The following MGAT4C variants were observed in gnomAD, a reference collection of about 807,000 sequenced individuals.
The protein encoded by MGAT4C is alpha-1,3-mannosyl-glycoprotein 4-beta-N-acetylglucosaminyltransferase C.
MGAT4C carries 19 observed loss-of-function variants against 40.1 expected under a neutral mutation model. That is an observed-to-expected ratio of 0.47 (90% CI 0.33 to 0.70). The LOEUF is 0.70. Ranked by LOEUF, MGAT4C falls within the 30% of genes least tolerant of loss-of-function variation. The pLI, the probability that MGAT4C is intolerant of heterozygous loss-of-function variation, is 0.02. For missense variants in MGAT4C, 491 were observed against 563.2 expected (o/e 0.87, Z 1.30); for synonymous variants, 181 against 187.1 (o/e 0.97, Z 0.27).
intron 1 of MGAT4C, among the ~76,000 whole-genome samples, chr12:86,147,202 A>G (rs1883636536): frequency 6.6e-6 from 1 of 152,188 alleles, no homozygotes; most frequent in Non-Finnish European, 1.5e-5. Context: ...AGACTAGATG[A>G]GGTGAGGGTA....
chr12:86,177,699 A>T (rs1366110952), intron 1 of MGAT4C, among the ~76,000 whole-genome samples: 1 of 152,058 alleles, frequency 6.6e-6, no homozygotes, highest in Non-Finnish European at 1.5e-5. Flanking sequence ...CTGAAAAGGG[A>T]TTTGTGAAAA....
intron 2 of MGAT4C, among the ~76,000 whole-genome samples, chr12:86,584,626 T>C (rs1394458868): frequency 1.3e-5 from 2 of 151,326 alleles, no homozygotes; most frequent in Non-Finnish European, 3.0e-5. Context: ...AAACTTCAAT[T>C]TCTATTGGAT....
intron 1 of MGAT4C, among the ~76,000 whole-genome samples, chr12:86,207,111 CTTT>C (rs61602141): frequency 1.3e-5 from 2 of 148,148 alleles, no homozygotes; most frequent in Non-Finnish European, 3.0e-5. Context: ...CCTTTTTTTT[CTTT>C]TTTTTTTTTT....
chr12:86,038,344 T>G (rs781366458), intron 2 of MGAT4C, among the ~76,000 whole-genome samples: 1 of 149,526 alleles, frequency 6.7e-6, no homozygotes, highest in African/African-American at 2.4e-5. Flanking sequence ...CTGTCTCAGC[T>G]TTTTTCCCAA....
rs546839024 is a variant in MGAT4C at position 86,391,816 on chromosome 12, C to T, written c.-120+43341G>A. On this transcript the variant is annotated intron_variant, in intron 3 of 7. Coordinates refer to the MGAT4C transcript ENST00000548651. ...CGGAGCTTGCAGTGAGCTGAGATCG[C>T]GACACTGCACTCCAGCCTGGGGACA... Among the ~76,000 whole-genome samples the T allele has an allele frequency of 9.2e-5, 14 of 151,796 alleles. No homozygotes were observed. In the South Asian group the frequency reaches 1.2e-3, roughly 14 times the overall value.
chr12:86,470,507 T>C (rs1957743665), intron 2 of MGAT4C, among the ~76,000 whole-genome samples: 1 of 152,130 alleles, frequency 6.6e-6, no homozygotes, highest in South Asian at 2.1e-4. Flanking sequence ...AGAAGACTTT[T>C]TATAAATGAG....
intron 1 of MGAT4C, among the ~76,000 whole-genome samples, chr12:86,085,904 G>A (rs1871732553): frequency 6.6e-6 from 1 of 152,150 alleles, no homozygotes; most frequent in South Asian, 2.1e-4. Context: ...ATGCTGGAGA[G>A]GACATGGAGA....
intron 1 of MGAT4C, among the ~76,000 whole-genome samples, chr12:86,125,924 C>T (rs1457718026): frequency 6.8e-6 from 1 of 147,146 alleles, no homozygotes; most frequent in Non-Finnish European, 1.5e-5. Flanking sequence ...CATTTATTCA[C>T]TAAAAGAAAA....
intron 2 of MGAT4C, among the ~76,000 whole-genome samples, chr12:86,628,757 G>A (rs553823520): frequency 3.9e-5 from 6 of 152,190 alleles, no homozygotes; most frequent in East Asian, 1.9e-4. Flanking sequence ...CACTAAACAC[G>A]GAAAGGAAAA....
At chr12:86,581,658 TCTTTCTAATTGGTTG>T (rs1230108232) in intron 2 of MGAT4C, among the ~76,000 whole-genome samples, 3 of 151,448 alleles carry the variant, frequency 2.0e-5, no homozygotes, top group Admixed American at 6.6e-5. Flanking sequence ...GAACTATCAC[TCTTTCTAATTGGTTG>T]CTTCTCTGGA....
intron 1 of MGAT4C, among the ~76,000 whole-genome samples, chr12:86,057,021 A>C (rs1304030731): frequency 1.3e-5 from 2 of 152,146 alleles, no homozygotes; most frequent in African/African-American, 4.8e-5. Context: ...TTTTAAAATC[A>C]AAGTAATTTT....
intron 3 of MGAT4C, among the ~76,000 whole-genome samples, chr12:86,382,236 G>T (rs150345495): frequency 6.6e-6 from 1 of 152,356 alleles, no homozygotes; most frequent in African/African-American, 2.4e-5. Flanking sequence ...TGAGGAACTT[G>T]TTGGGAACTA....
At chr12:86,119,751 T>C (rs1418431431) in intron 1 of MGAT4C, among the ~76,000 whole-genome samples, 10 of 142,036 alleles carry the variant, frequency 7.0e-5, no homozygotes, top group Non-Finnish European at 1.5e-4. Flanking sequence ...TTAATAGAAA[T>C]AGGAGTCTTG....
At chr12:86,677,490 T>C (rs1305151899) in intron 2 of MGAT4C, among the ~76,000 whole-genome samples, 4 of 152,166 alleles carry the variant, frequency 2.6e-5, no homozygotes, top group African/African-American at 9.6e-5. Context: ...CTTAATTTCA[T>C]GCCATTCAGA....
At position 86,367,675 on chromosome 12, in the gene MGAT4C, T is replaced by C. The variant is rs534807174; in HGVS notation, c.-119-33548A>G. Reference sequence around the variant, plus strand: ...TTAGCTGGGCGTGGTGGCAGGTGCCTGTAGTCCCAGCTCATCAGGAGGCTG... The same window carrying C: ...TTAGCTGGGCGTGGTGGCAGGTGCCCGTAGTCCCAGCTCATCAGGAGGCTG... On this transcript the variant is annotated intron_variant, in intron 3 of 7. Coordinates refer to the MGAT4C transcript ENST00000548651. Among the ~76,000 whole-genome samples the C allele has an allele frequency of 1.8e-4, 28 of 152,292 alleles. No homozygotes were observed. In the South Asian group the frequency reaches 5.8e-3, roughly 32 times the overall value.
intron 2 of MGAT4C, among the ~76,000 whole-genome samples, chr12:86,481,934 T>A (rs1169263922): frequency 1.3e-5 from 2 of 151,918 alleles, no homozygotes; most frequent in Non-Finnish European, 2.9e-5. Context: ...ATGTTCTAAA[T>A]ACAATAATGT....
intron 1 of MGAT4C, among the ~76,000 whole-genome samples, chr12:86,056,690 A>G (rs1174266576): frequency 1.3e-5 from 2 of 152,106 alleles, no homozygotes; most frequent in Non-Finnish European, 2.9e-5. Flanking sequence ...GCTGCAATAA[A>G]CATACGTGTG....
intron 1 of MGAT4C, among the ~76,000 whole-genome samples, chr12:86,234,504 T>A (rs1460653903): frequency 6.6e-6 from 1 of 152,124 alleles, no homozygotes; most frequent in African/African-American, 2.4e-5. Context: ...GGTTTGAGTA[T>A]CATTCTAAAT....
intron 1 of MGAT4C, among the ~76,000 whole-genome samples, chr12:86,733,984 C>G (rs774394425): frequency 6.6e-6 from 1 of 152,070 alleles, no homozygotes; most frequent in Non-Finnish European, 1.5e-5. Flanking sequence ...AGAGGCTAGT[C>G]TCTCAAGAAA....
Sources: allele counts gnomAD v4.1 joint callset (sites outside exome capture counted in the v4.1 genomes callset), GRCh38; gene constraint gnomAD v4.1.1; transcripts MANE v1.5; gene names NCBI Gene and HGNC (gene_info 2026-07-23, HGNC 2026-07-21).